Variants in CYP20A1 observed in about 807,000 individuals in gnomAD.
CYP20A1 encodes cytochrome P450 20A1.
Under a neutral mutation model 61.4 loss-of-function variants are expected in CYP20A1, and 61 were observed. That is an observed-to-expected ratio of 0.99 (90% CI 0.81 to 1.23). CYP20A1 has a LOEUF of 1.23. Ranked by LOEUF, CYP20A1 falls within the 50% of genes most tolerant of loss-of-function variation. CYP20A1 has a pLI of 0.00. For synonymous variants in CYP20A1, 193 were observed against 188.2 expected (o/e 1.03, Z -0.21); for missense variants, 530 against 542.4 (o/e 0.98, Z 0.23).
At chr2:203,284,174 A>G (rs919688683) in intron 8 of CYP20A1, among the ~76,000 whole-genome samples, 7 of 152,212 alleles carry the variant, frequency 4.6e-5, no homozygotes, top group African/African-American at 1.7e-4. Flanking sequence ...AATATTGGTA[A>G]TAAGGTGAAT....
intron 3 of CYP20A1, among the ~76,000 whole-genome samples, chr2:203,248,413 A>T (rs923529077): frequency 1.3e-5 from 2 of 152,110 alleles, no homozygotes; most frequent in Non-Finnish European, 2.9e-5. Flanking sequence ...GTGCGCCTGT[A>T]ATCCCAGCTA....
intron 8 of CYP20A1, among the ~76,000 whole-genome samples, 193 bp from the exon 9 acceptor site, chr2:203,285,419 A>G (rs1366866035): frequency 6.6e-6 from 1 of 152,204 alleles, no homozygotes; most frequent in Non-Finnish European, 1.5e-5. Flanking sequence ...GGCATTCTGT[A>G]AATATTGATG....
intron 4 of CYP20A1, among the ~76,000 whole-genome samples, chr2:203,258,212 T>C (rs1374532615): frequency 6.6e-6 from 1 of 152,180 alleles, no homozygotes; most frequent in African/African-American, 2.4e-5. Context: ...GCCTTTACAG[T>C]ATCCACTTTT....
intron 5 of CYP20A1, among the ~76,000 whole-genome samples, chr2:203,270,031 T>A (rs1254180227): frequency 6.6e-6 from 1 of 151,964 alleles, no homozygotes; most frequent in Non-Finnish European, 1.5e-5. Context: ...GCAGGAGGAT[T>A]ACTTGAGCCC....
At chr2:203,280,722 C>T (rs749229089) in intron 8 of CYP20A1, among the ~76,000 whole-genome samples, 1 of 152,142 alleles carries the variant, frequency 6.6e-6, no homozygotes, top group Non-Finnish European at 1.5e-5. Flanking sequence ...AAAAATAAAA[C>T]ACTGTTTAGA....
intron 1 of CYP20A1, among the ~76,000 whole-genome samples, chr2:203,244,009 C>A (rs6745954): frequency 0.92 from 139,777 of 152,134 alleles, 64,578 homozygotes; most frequent in Non-Finnish European, 0.96. Context: ...GAAAAAATGA[C>A]ACCAATCTGG....
At chr2:203,274,693 C>T (rs1164890917) in intron 6 of CYP20A1, among the ~76,000 whole-genome samples, 1 of 151,632 alleles carries the variant, frequency 6.6e-6, no homozygotes, top group Non-Finnish European at 1.5e-5. Flanking sequence ...TCCCTGTCCT[C>T]ATTAGCTTAC....
At chr2:203,267,197 C>T (rs2067360753) in intron 5 of CYP20A1, among the ~76,000 whole-genome samples, 1 of 151,990 alleles carries the variant, frequency 6.6e-6, no homozygotes, top group Non-Finnish European at 1.5e-5. Context: ...ACAATTATTT[C>T]ATCATACTGG....
intron 6 of CYP20A1, among the ~76,000 whole-genome samples, chr2:203,276,996 C>A (rs748746834): frequency 1.3e-5 from 2 of 152,074 alleles, no homozygotes; most frequent in African/African-American, 4.8e-5. Context: ...AATGAGCAGG[C>A]AGTAAAGTGG....
intron 3 of CYP20A1, among the ~76,000 whole-genome samples, chr2:203,247,240 G>A (rs1035543897): frequency 2.6e-5 from 4 of 151,654 alleles, no homozygotes; most frequent in African/African-American, 4.8e-5. Context: ...CAGCCTGGGC[G>A]ACAGAGCGAG....
At chr2:203,250,201 A>T (rs2066608556) in intron 3 of CYP20A1, among the ~76,000 whole-genome samples, 1 of 152,242 alleles carries the variant, frequency 6.6e-6, no homozygotes, top group Non-Finnish European at 1.5e-5. Context: ...AGCAACCTAA[A>T]TATCAATGGC....
chr2:203,285,805 T>G, intron 9 of CYP20A1, 73 bp downstream of exon 9: 2 of 1,341,742 alleles, frequency 1.5e-6, no homozygotes, highest in Non-Finnish European at 2.0e-6. Context: ...AAAGCTATTG[T>G]TGCTATCTAG....
chr2:203,294,504 G>C (rs1020394180), intron 11 of CYP20A1, among the ~76,000 whole-genome samples: 5 of 151,628 alleles, frequency 3.3e-5, no homozygotes, highest in Non-Finnish European at 5.9e-5. Flanking sequence ...TGGGCAACAA[G>C]AATGAAACTC....
chr2:203,266,791 C>G, intron 5 of CYP20A1, 110 bp downstream of exon 5: 2 of 861,606 alleles, frequency 2.3e-6, no homozygotes, highest in Non-Finnish European at 3.7e-6. Context: ...GACCAGCCTG[C>G]CCCACATGGT....
chr2:203,252,032 G>A lies in CYP20A1; in HGVS notation c.355G>A (p.Glu119Lys), dbSNP rs2066709618. 6.2e-7 allele frequency: 1 copy of A among 1,611,168 alleles called. No homozygotes were observed. The change falls in exon 4 of 13, where the codon GAA (glutamate) becomes AAA (lysine). Residue 119 changes from glutamate (E) to lysine (K), a missense_variant. By Grantham distance (56) the Glu-to-Lys change is moderately conservative. Coordinates refer to ENST00000356079, the MANE Select transcript of CYP20A1 (RefSeq NM_177538.3). Reference protein sequence around the residue: ...RYQSGGGSVSENHMRKKLYEN... With the variant: ...RYQSGGGSVSKNHMRKKLYEN... ...TCAATCTGGTGGTGGCAGTGTGAGT[G>A]AAAACCACATGAGGAAAAAATTGTA... is the stretch of plus-strand genomic sequence containing the variant.
At chr2:203,292,691 T>G (rs2068587876) in intron 11 of CYP20A1, among the ~76,000 whole-genome samples, 1 of 152,006 alleles carries the variant, frequency 6.6e-6, no homozygotes, top group East Asian at 1.9e-4. Context: ...ACTCCTGAGC[T>G]CAAGCCATCC....
chr2:203,243,572 C>T lies in CYP20A1; in HGVS notation c.73-2274C>T, dbSNP rs149275686. 3.8e-3 allele frequency among the ~76,000 whole-genome samples: 572 copies of T among 151,900 alleles called. 1 individual carries two copies. The highest frequency in any genetic ancestry group is 6.4e-3 in the Non-Finnish European group (438 of 67,950). The stretch of plus-strand genomic sequence containing the variant: ...TTAATTTTTGTATTTTTAATAGAGA[C>T]GGGGTTTCAACATGTATGCCAGGCT... On this transcript the variant is annotated intron_variant, in intron 1 of 12. Transcript: ENST00000356079.
intron 9 of CYP20A1, among the ~76,000 whole-genome samples, 169 bp from the exon 10 acceptor site, chr2:203,289,596 C>A (rs2068444218): frequency 6.6e-6 from 1 of 151,610 alleles, no homozygotes; most frequent in Non-Finnish European, 1.5e-5. Flanking sequence ...AATTGTTAAT[C>A]TTTATGTACT....
At chr2:203,275,232 G>A (rs529798478) in intron 6 of CYP20A1, among the ~76,000 whole-genome samples, 23 of 152,176 alleles carry the variant, frequency 1.5e-4, no homozygotes, top group Non-Finnish European at 4.4e-5. Flanking sequence ...ATGTACAACA[G>A]TAGTTCCCAA....
Sources: allele counts gnomAD v4.1 joint callset (sites outside exome capture counted in the v4.1 genomes callset), GRCh38; gene constraint gnomAD v4.1.1; transcripts MANE v1.5; gene names NCBI Gene and HGNC (gene_info 2026-07-23, HGNC 2026-07-21).